The following HIRA variants were observed in gnomAD, a reference collection of about 807,000 sequenced individuals.
The protein encoded by HIRA is histone cell cycle regulator, also known as protein HIRA.
HIRA carries 13 observed loss-of-function variants against 126.6 expected under a neutral mutation model. The ratio of observed to expected loss-of-function variants is 0.10; its 90% confidence interval spans 0.07 to 0.16. The LOEUF is 0.16. HIRA is among the 10% of genes least tolerant of loss of function. The pLI, the probability that HIRA is intolerant of heterozygous loss-of-function variation, is 1.00. For missense variants in HIRA, 834 were observed against 1,314.4 expected, an observed-to-expected ratio of 0.63 and a Z score of 5.65; for synonymous variants, 511 against 520.0, an observed-to-expected ratio of 0.98 and a Z score of 0.24.
At chr22:19,352,747 G>C (rs1257418880) in intron 23 of HIRA, among the ~76,000 whole-genome samples, 1 of 152,250 alleles carries the variant, frequency 6.6e-6, no homozygotes, top group South Asian at 2.1e-4. Context: ...AAGCTGCACA[G>C]AGAGAGCTCT....
In HIRA at chr22:19,351,020, T is replaced by A. The variant is rs1230296818; in HGVS notation, c.2937+338A>T. 1 of 472,276 alleles carries A rather than the reference T, an allele frequency of 2.1e-6. No homozygotes were observed. The highest frequency in any genetic ancestry group is 2.8e-6 in the Non-Finnish European group (1 of 361,174). The allele number at this position is 472,276 out of a possible 1,614,324, so 29.3% of individuals were successfully genotyped here. ...TATTTTGTTGACCTAACTGCCTCCC[T>A]GTTTATGTGTGCATCCCTACCAGAC... On this transcript the variant is annotated intron_variant, in intron 24 of 24. Transcript: ENST00000263208. This position sits in a 1 kb window ranked among gnomAD's most constrained non-coding sequence, Gnocchi z 4.8.
intron 17 of HIRA, 122 bp from the exon 18 acceptor site, chr22:19,359,606 A>AAG: frequency 8.7e-7 from 1 of 1,153,722 alleles, no homozygotes; most frequent in Non-Finnish European, 1.1e-6. Context: ...CTGGCTGGCC[A>AAG]AGAGAGGAGA....
rs111805717 is a variant in HIRA, at chr22:19,431,349, G to A, written c.37+91C>T. ...GCACCGGGTACCGGGCGTCAGGGGC[G>A]AGACAGGCAGGACTTGCGCGCGCCC... On this transcript the variant is annotated intron_variant, in intron 1 of 24. Transcript: ENST00000263208. 4.5e-5 allele frequency: 64 copies of A among 1,425,078 alleles called. No homozygotes were observed. The African/African-American group carries it at 5.8e-4, about 13-fold the overall frequency. The allele number at this position is 1,425,078 out of a possible 1,614,324, so 88.3% of individuals were successfully genotyped here. A position where few individuals can be genotyped will look rare whatever the true frequency, so the allele number is the denominator to read the frequency against.
At position 19,353,304 on chromosome 22, in the gene HIRA, G is replaced by A. The variant is rs925378465; in HGVS notation, c.2848+52C>T. On this transcript the variant is annotated intron_variant, in intron 23 of 24. Transcript: ENST00000263208. The stretch of plus-strand genomic sequence containing the variant: ...TTCACAGGGACTAAGTGAGGCCTGG[G>A]AGGATGGAGGGGCAGAAGGAGAAGG... The A allele has an allele frequency of 2.2e-5, 35 of 1,603,634 alleles. No homozygotes were observed. In the Admixed American group the frequency reaches 2.8e-4, roughly 13 times the overall value.
At chr22:19,388,959 T>G (rs998268977) in intron 9 of HIRA, among the ~76,000 whole-genome samples, 2 of 152,128 alleles carry the variant, frequency 1.3e-5, no homozygotes, top group Non-Finnish European at 2.9e-5. Flanking sequence ...TGAGGCACCC[T>G]GAGAGAGAAC....
chr22:19,411,488 G>C (rs1028013985), intron 1 of HIRA, among the ~76,000 whole-genome samples: 14 of 152,180 alleles, frequency 9.2e-5, no homozygotes, highest in Admixed American at 3.3e-4. Context: ...AAACCCAGCA[G>C]ACCATAGAAG....
At chr22:19,356,115 C>G (rs1466572234) in intron 20 of HIRA, 115 bp downstream of exon 20, 1 of 991,330 alleles carries the variant, frequency 1.0e-6, no homozygotes, top group Non-Finnish European at 1.6e-6. Context: ...CCTCCTGCCT[C>G]ACTGAGAGCC....
intron 15 of HIRA, among the ~76,000 whole-genome samples, chr22:19,366,720 C>T (rs1348631723): frequency 6.6e-6 from 1 of 152,136 alleles, no homozygotes; most frequent in Non-Finnish European, 1.5e-5. Flanking sequence ...GATGGAATCT[C>T]CTGGTGAAGA....
In HIRA at chr22:19,354,114, G is replaced by A. The variant is rs1394570321; in HGVS notation, c.2566C>T (p.Leu856=). 5 of 1,612,532 alleles carry A rather than the reference G, an allele frequency of 3.1e-6. No homozygotes were observed. The highest frequency in any genetic ancestry group is 2.2e-5 in the East Asian group (1 of 44,846). ...CFNPSLSTWN[L]VSDKQDSLAQ... Reference sequence around the variant, plus strand: ...AGTGAGTCCTGCTTGTCAGAAACCAGGTTCCTGGGGAGGCAAAGGCAGGAG... The same window carrying A: ...AGTGAGTCCTGCTTGTCAGAAACCAAGTTCCTGGGGAGGCAAAGGCAGGAG... The change falls in exon 22 of 25, where the codon CTG becomes TTG. Residue 856 remains leucine, a synonymous_variant. Transcript: ENST00000263208.
In HIRA at chr22:19,408,512, T is replaced by C. The variant is rs759763981; in HGVS notation, c.182A>G (p.Lys61Arg). 3.1e-6 allele frequency: 5 copies of C among 1,612,938 alleles called. No individual in the cohort carries two copies. The highest frequency in any genetic ancestry group is 4.2e-6 in the Non-Finnish European group (5 of 1,178,982). Residue 61 changes from lysine (K) to arginine (R), a missense_variant, in exon 3 of 25, where the codon AAG (lysine) becomes AGG (arginine). Transcript: ENST00000263208. ...GTGATTGTCCATCTGGCAAAGCATC[T>C]TGGGAATATTTTCATCCTTCTCGTC... ...EDDEKDENIP[K>R]MLCQMDNHLA...
chr22:19,407,770 T>C (rs2089319992), intron 3 of HIRA, among the ~76,000 whole-genome samples: 1 of 152,148 alleles, frequency 6.6e-6, no homozygotes, highest in Non-Finnish European at 1.5e-5. Flanking sequence ...TTTTCCAAAC[T>C]CGCCAGCACT....
intron 13 of HIRA, among the ~76,000 whole-genome samples, chr22:19,378,901 A>G (rs972009534): frequency 7.9e-5 from 12 of 152,232 alleles, no homozygotes; most frequent in African/African-American, 2.9e-4. Context: ...ATTACAAGCC[A>G]TGTATGAGAG....
At chr22:19,334,578 G>A (rs1484485160) in intron 24 of HIRA, among the ~76,000 whole-genome samples, 4 of 151,500 alleles carry the variant, frequency 2.6e-5, no homozygotes, top group Non-Finnish European at 4.4e-5. Flanking sequence ...CTTGAGGTCA[G>A]GAGTTCGAGA....
At chr22:19,405,945 C>T in intron 4 of HIRA, 65 bp from the exon 5 acceptor site, 1 of 1,044,782 alleles carries the variant, frequency 9.6e-7, no homozygotes, top group Non-Finnish European at 1.3e-6. Context: ...GAAATGCTCC[C>T]TGCAGCCAGC....
At chr22:19,416,195 C>T (rs1601856977) in intron 1 of HIRA, among the ~76,000 whole-genome samples, 1 of 152,204 alleles carries the variant, frequency 6.6e-6, no homozygotes, top group South Asian at 2.1e-4. Context: ...GAAGTTGGAT[C>T]CCTATCTCAT....
rs1286414980 is a variant in HIRA, at chr22:19,351,894, G to A, written c.2849-448C>T. Among the ~76,000 whole-genome samples, 1 of 152,132 alleles carries A rather than the reference G, an allele frequency of 6.6e-6. No individual in the cohort carries two copies. The highest frequency in any genetic ancestry group is 2.4e-5 in the African/African-American group (1 of 41,442). On this transcript the variant is annotated intron_variant, in intron 23 of 24. Coordinates refer to ENST00000263208, the MANE Select transcript of HIRA (RefSeq NM_003325.4). The surrounding 1 kb of genome is among the most constrained non-coding windows in gnomAD (Gnocchi z 4.8). ...ATGGCAAAGGCATGACTGAAGAGGGGCAACTGAGTGGAGGGGGCATAGGTC... is the reference window on the plus strand; with the variant it reads ...ATGGCAAAGGCATGACTGAAGAGGGACAACTGAGTGGAGGGGGCATAGGTC...
intron 15 of HIRA, among the ~76,000 whole-genome samples, chr22:19,373,701 G>T (rs1421814653): frequency 3.3e-5 from 5 of 152,144 alleles, no homozygotes; most frequent in Non-Finnish European, 7.3e-5. Context: ...CCAAAAACAG[G>T]CTGAGACATT....
rs1556004300 is a variant in HIRA, at chr22:19,330,870, GA to G, written c.*569del. On this transcript the variant is annotated 3_prime_UTR_variant, in exon 25 of 25. Coordinates refer to ENST00000263208, the MANE Select transcript of HIRA (RefSeq NM_003325.4). ...TTTTTCAGTGTAGCTGTCATAATTA[GA>G]GTTTAAATTTCCTACAAGTGACCAA... 4 of 176,760 alleles carry G rather than the reference GA, an allele frequency of 2.3e-5. No individual in the cohort carries two copies. The highest frequency in any genetic ancestry group is 3.7e-5 in the Non-Finnish European group (3 of 81,660). 10.9% of individuals were successfully genotyped at this position (176,760 alleles called of 1,614,324 possible).
chr22:19,393,169 GT>G (rs2089196379), intron 8 of HIRA, among the ~76,000 whole-genome samples: 1 of 152,132 alleles, frequency 6.6e-6, no homozygotes, highest in Admixed American at 6.5e-5. Flanking sequence ...TAATAAAGTG[GT>G]TGTGAGGACT....
Sources: gnomAD v4.1 joint callset for allele counts (sites outside exome capture counted in the v4.1 genomes callset) on GRCh38, gnomAD v4.1.1 for gene constraint, Gnocchi (gnomAD v3.1) non-coding constraint, MANE v1.5 for transcripts, NCBI Gene and HGNC (gene_info 2026-07-23, HGNC 2026-07-21) for gene names.